Variants in RNF146 observed in about 807,000 individuals in gnomAD.
RNF146 encodes E3 ubiquitin-protein ligase RNF146.
In RNF146, 11 loss-of-function variants were observed where a neutral mutation model predicts 29.7. That is an observed-to-expected ratio of 0.37 (90% CI 0.23 to 0.61). RNF146 has a LOEUF of 0.61. RNF146 is among the 20% of genes least tolerant of loss of function. The pLI is 0.66. For missense variants in RNF146, 342 were observed against 438.9 expected, an observed-to-expected ratio of 0.78 and a Z score of 1.97; for synonymous variants, 150 against 159.7, an observed-to-expected ratio of 0.94 and a Z score of 0.46.
intron 1 of RNF146, among the ~76,000 whole-genome samples, chr6:127,267,755 C>T (rs999795349): frequency 2.0e-5 from 3 of 152,156 alleles, no homozygotes; most frequent in Non-Finnish European, 4.4e-5. Context: ...TCCCTTGAGC[C>T]TCCAAACCCT....
intron 1 of RNF146, among the ~76,000 whole-genome samples, chr6:127,278,625 C>G (rs551856353): frequency 1.3e-5 from 2 of 151,906 alleles, no homozygotes; most frequent in Admixed American, 6.6e-5. Context: ...CTAATATTTC[C>G]GCAGTGAATA....
At chr6:127,267,325 T>A (rs1358816787) in intron 1 of RNF146, among the ~76,000 whole-genome samples, 1 of 152,162 alleles carries the variant, frequency 6.6e-6, no homozygotes, top group Non-Finnish European at 1.5e-5. Context: ...CTGCGCAGCC[T>A]CTTCCGCCTG....
intron 1 of RNF146, among the ~76,000 whole-genome samples, chr6:127,271,247 TTAG>T (rs1454208990): frequency 2.0e-5 from 3 of 152,310 alleles, no homozygotes; most frequent in African/African-American, 7.2e-5. Context: ...TAGTAGACTA[TTAG>T]TAGTTAAGTT....
chr6:127,284,398 A>G (rs569595627), intron 2 of RNF146, among the ~76,000 whole-genome samples: 1 of 152,016 alleles, frequency 6.6e-6, no homozygotes, highest in African/African-American at 2.4e-5. Flanking sequence ...TCTCATGAAT[A>G]GAATCATGAG....
intron 1 of RNF146, among the ~76,000 whole-genome samples, chr6:127,271,284 G>A (rs940575893): frequency 2.6e-5 from 4 of 152,100 alleles, no homozygotes; most frequent in Admixed American, 6.6e-5. Context: ...AAGTTTACAT[G>A]GAATTTTGAC....
intron 1 of RNF146, among the ~76,000 whole-genome samples, chr6:127,278,104 A>G (rs559473688): frequency 2.0e-4 from 30 of 152,048 alleles, no homozygotes; most frequent in Non-Finnish European, 3.2e-4. Context: ...TGTGAGATCT[A>G]TCATTTCTTT....
chr6:127,277,523 A>T (rs1342741417), intron 1 of RNF146, among the ~76,000 whole-genome samples: 1 of 152,070 alleles, frequency 6.6e-6, no homozygotes. Context: ...GTATTAGCTT[A>T]CACGATCACA....
chr6:127,280,581 A>G, intron 2 of RNF146: 1 of 1,185,392 alleles, frequency 8.4e-7, no homozygotes, highest in Non-Finnish European at 1.0e-6. Flanking sequence ...AGTTTGCTCA[A>G]AGAATGCTGA....
At chr6:127,272,646 T>G (rs1339234066) in intron 1 of RNF146, among the ~76,000 whole-genome samples, 3 of 152,040 alleles carry the variant, frequency 2.0e-5, no homozygotes, top group Non-Finnish European at 2.9e-5. Context: ...CCTGGTTGTG[T>G]TGTTCTACGC....
Position 127,287,418 on chromosome 6 carries a change from G to T in RNF146, c.805G>T (p.Asp269Tyr). 6.2e-7 allele frequency: 1 copy of T among 1,613,478 alleles called. No individual in the cohort carries two copies. The highest frequency in any genetic ancestry group is 2.2e-5 in the East Asian group (1 of 44,832). Residue 269 changes from aspartate to tyrosine, a missense_variant, in exon 3 of 3, where the codon GAT (aspartate) becomes TAT (tyrosine). By Grantham distance (160) the Asp-to-Tyr change is radical (BLOSUM62 -3). Coordinates refer to ENST00000368314, the MANE Select transcript of RNF146 (RefSeq NM_001242850.2). Reference sequence around the variant, plus strand: ...GAGTCATAGGGGAGAAGGAGAAGAAGATCATGAATCACCATCTTCAGGCAG... The same window carrying T: ...GAGTCATAGGGGAGAAGGAGAAGAATATCATGAATCACCATCTTCAGGCAG... ...ERSHRGEGEE[D>Y]HESPSSGRVP...
chr6:127,286,794 G>A lies in RNF146; in HGVS notation c.181G>A (p.Val61Ile), dbSNP rs1225751128. The part of the protein sequence containing the change: ...PCKHVFCYLC[V>I]KGASWLGKRC... ...TAAGCACGTTTTCTGCTATCTATGT[G>A]TAAAAGGAGCTTCATGGCTTGGAAA... The change falls in exon 3 of 3, where the codon GTA becomes ATA. Residue 61 changes from valine (V) to isoleucine (I), a missense_variant. Physicochemically the swap from Val to Ile is conservative, Grantham distance 29 (BLOSUM62 3). This residue lies in a region of RNF146 where 27 missense variants were observed against 66.0 expected (regional missense o/e 0.41). Transcript: ENST00000368314. This position sits in a 1 kb window ranked among gnomAD's most constrained non-coding sequence, Gnocchi z 4.6. 6.2e-7 allele frequency: 1 copy of A among 1,613,290 alleles called. No individual in the cohort carries two copies. Among genetic ancestry groups the A allele is most frequent in the Admixed American group, 1.7e-5 (1 of 59,886 alleles).
rs543458015 is a variant in RNF146, at chr6:127,287,917, C to A, written c.*224C>A. ...TAGTTGAGAGCTGTTTAGTAATAAC[C>A]CAGTTTTCTTGAGGTCTGTTTACTT... On this transcript the variant is annotated 3_prime_UTR_variant, in exon 3 of 3. Coordinates refer to ENST00000368314, the MANE Select transcript of RNF146 (RefSeq NM_001242850.2). The A allele has an allele frequency of 1.8e-4, 72 of 392,630 alleles. No individual in the cohort carries two copies. The highest frequency in any genetic ancestry group is 1.4e-3 in the African/African-American group (68 of 48,364). The allele number at this position is 392,630 out of a possible 1,614,324, so 24.3% of individuals were successfully genotyped here.
At chr6:127,285,916 G>A (rs1779457498) in intron 2 of RNF146, 1 of 525,996 alleles carries the variant, frequency 1.9e-6, no homozygotes, top group Non-Finnish European at 2.9e-6. Flanking sequence ...TCAGTACTTA[G>A]TATTGTATCT....
intron 1 of RNF146, among the ~76,000 whole-genome samples, chr6:127,270,785 A>G (rs1180116639): frequency 6.6e-6 from 1 of 150,920 alleles, no homozygotes; most frequent in Non-Finnish European, 1.5e-5. Flanking sequence ...ATCCATTTCT[A>G]CTTAATGAAT....
intron 1 of RNF146, among the ~76,000 whole-genome samples, chr6:127,276,778 G>T (rs1170018316): frequency 6.6e-6 from 1 of 152,036 alleles, no homozygotes; most frequent in Non-Finnish European, 1.5e-5. Context: ...ATAATATTTG[G>T]TTGCTGGAGA....
chr6:127,283,745 T>C (rs948520525), intron 2 of RNF146, among the ~76,000 whole-genome samples: 2 of 151,846 alleles, frequency 1.3e-5, no homozygotes, highest in Non-Finnish European at 2.9e-5. Flanking sequence ...CTTGATGGGC[T>C]AAACAGAATC....
chr6:127,287,015 G>T lies in RNF146; in HGVS notation c.402G>T (p.Lys134Asn), dbSNP rs768311096. Residue 134 changes from lysine (K) to asparagine (N), a missense_variant, in exon 3 of 3, where the codon AAG (lysine) becomes AAT (asparagine). Around this residue, in one of 6 missense-constraint regions of RNF146, gnomAD observed 50 missense variants for 54.9 expected, o/e 0.91. Coordinates refer to ENST00000368314, the MANE Select transcript of RNF146 (RefSeq NM_001242850.2). ...ELEDAFSKGK[K>N]NTEMLIAGFL... The stretch of plus-strand genomic sequence containing the variant: ...AAGATGCTTTTTCCAAAGGTAAAAA[G>T]AACACTGAAATGTTAATTGCTGGCT... 1.2e-6 allele frequency: 2 copies of T among 1,613,362 alleles called. No individual in the cohort carries two copies. The highest frequency in any genetic ancestry group is 1.7e-6 in the Non-Finnish European group (2 of 1,179,634).
At position 127,287,670 on chromosome 6, in the gene RNF146, C is replaced by T; in HGVS notation, c.1057C>T (p.Gln353Ter). The T allele has an allele frequency of 6.3e-7, 1 of 1,576,194 alleles. No individual in the cohort carries two copies. Among genetic ancestry groups the T allele is most frequent in the Non-Finnish European group, 8.6e-7 (1 of 1,159,780 alleles). The change falls in exon 3 of 3, where the codon CAG (glutamine) becomes TAG (stop). Residue 353 changes from glutamine to a stop codon, truncating the protein, a stop_gained. Transcript: ENST00000368314. LOFTEE classifies it high-confidence loss of function. ...VSVRSRRPDG[Q>*]CTVTEV ...TGTCAGATCTAGAAGGCCTGATGGACAGTGCACAGTAACTGAAGTTTAAAT... is the reference window on the plus strand; with the variant it reads ...TGTCAGATCTAGAAGGCCTGATGGATAGTGCACAGTAACTGAAGTTTAAAT...
Position 127,287,873 on chromosome 6 carries a change from TA to T in RNF146, c.*182del. 1 of 519,734 alleles carries T rather than the reference TA, an allele frequency of 1.9e-6. No individual in the cohort carries two copies. The highest frequency in any genetic ancestry group is 3.1e-5 in the East Asian group (1 of 31,918). The allele number at this position is 519,734 out of a possible 1,614,324, so 32.2% of individuals were successfully genotyped here. ...TCTCTGTTGAGAAATTTATTTAATG[TA>T]AGGAACTTGGGTGTTAATAGTTGAG... is the stretch of plus-strand genomic sequence containing the variant. On this transcript the variant is annotated 3_prime_UTR_variant, in exon 3 of 3. Transcript: ENST00000368314.
Sources: allele counts gnomAD v4.1 joint callset (sites outside exome capture counted in the v4.1 genomes callset), GRCh38; gene constraint gnomAD v4.1.1; regional missense constraint gnomAD v4.1.1; non-coding constraint Gnocchi (gnomAD v3.1); transcripts MANE v1.5; gene names NCBI Gene and HGNC (gene_info 2026-07-23, HGNC 2026-07-21).